Variants in CNTN6 observed in about 807,000 individuals in gnomAD.
CNTN6 encodes the protein contactin-6.
CNTN6 carries 137 observed loss-of-function variants against 122.8 expected under a neutral mutation model. The ratio of observed to expected loss-of-function variants is 1.12; its 90% CI spans 0.97 to 1.29. CNTN6 has a LOEUF of 1.29. Among genes scored for constraint, CNTN6 ranks in the 50% most tolerant of loss-of-function variants. CNTN6 has a pLI of 0.00. For synonymous variants in CNTN6, 570 were observed against 426.0 expected (o/e 1.34, Z -4.16); for missense variants, 1,634 against 1,223.4 (o/e 1.34, Z -5.01).
At position 1,120,682 on chromosome 3, in the gene CNTN6, C is replaced by A. The variant is rs546932237; in HGVS notation, c.-82-27245C>A. Among the ~76,000 whole-genome samples, 3 of 151,818 alleles carry A rather than the reference C, an allele frequency of 2.0e-5. No homozygotes were observed. In the South Asian group the frequency reaches 6.2e-4, roughly 32 times the overall value. ...TTTTATGGTTGGTCATTTTTGAGTC[C>A]TAAGAAATCTTTGCTTATCCCAAGG... On this transcript the variant is annotated intron_variant, in intron 1 of 22. Coordinates refer to ENST00000446702, the MANE Select transcript of CNTN6 (RefSeq NM_001289080.2).
At chr3:1,242,663 G>T (rs922973654) in intron 4 of CNTN6, among the ~76,000 whole-genome samples, 1 of 152,168 alleles carries the variant, frequency 6.6e-6, no homozygotes, top group Non-Finnish European at 1.5e-5. Flanking sequence ...AAGGTGGGGG[G>T]ATATGAGAGG....
intron 4 of CNTN6, among the ~76,000 whole-genome samples, chr3:1,245,239 C>CATATATATATATATATATA (rs1559596120): frequency 2.1e-4 from 2 of 9,344 alleles, no homozygotes; most frequent in African/African-American, 7.3e-4. Context: ...TATATATACA[C>CATATATATATATATATATA]ACACACATAT....
rs200608572 is a variant in CNTN6, at chr3:1,373,319, A to AT, written c.1787-281dup. 1.1e-4 allele frequency among the ~76,000 whole-genome samples: 16 copies of AT among 152,202 alleles called. No individual in the cohort carries two copies. In the East Asian group the frequency reaches 2.9e-3, roughly 28 times the overall value. On this transcript the variant is annotated intron_variant, in intron 14 of 22. Coordinates refer to ENST00000446702, the MANE Select transcript of CNTN6 (RefSeq NM_001289080.2). Reference sequence around the variant, plus strand: ...TATTAGCTGCAATTACTTGAGTTAGATTTTAAGAGGAATTAAAGATGATGG... The same window carrying AT: ...TATTAGCTGCAATTACTTGAGTTAGATTTTTAAGAGGAATTAAAGATGATGG...
Position 1,241,236 on chromosome 3 carries a change from C to G in CNTN6, c.358+13243C>G, listed in dbSNP as rs559470630. On this transcript the variant is annotated intron_variant, in intron 4 of 22. Transcript: ENST00000446702. ...GCCTGGCCTGGGCTCAGAGGCCTGA[C>G]ATTCCTGCCTTCTTATATTAATAAG... Among the ~76,000 whole-genome samples the G allele has an allele frequency of 2.0e-5, 3 of 152,198 alleles. No homozygotes were observed. In the East Asian group the frequency reaches 5.8e-4, roughly 30 times the overall value.
intron 1 of CNTN6, among the ~76,000 whole-genome samples, chr3:1,113,072 A>G (rs576510982): frequency 1.3e-5 from 2 of 152,244 alleles, no homozygotes; most frequent in African/African-American, 4.8e-5. Context: ...AGTCAGAGTG[A>G]CTTTCCTCAG....
chr3:1,366,767 A>G (rs988068214), intron 12 of CNTN6, among the ~76,000 whole-genome samples: 1 of 152,180 alleles, frequency 6.6e-6, no homozygotes, highest in African/African-American at 2.4e-5. Context: ...GGATGAGGAC[A>G]GGTCTGCCTG....
chr3:1,289,879 T>C (rs960116957), intron 5 of CNTN6, among the ~76,000 whole-genome samples: 1 of 152,178 alleles, frequency 6.6e-6, no homozygotes, highest in African/African-American at 2.4e-5. Context: ...TTTCACCGTG[T>C]TAGCCAGGAT....
At chr3:1,288,489 C>G (rs957515443) in intron 5 of CNTN6, among the ~76,000 whole-genome samples, 1 of 152,172 alleles carries the variant, frequency 6.6e-6, no homozygotes, top group Non-Finnish European at 1.5e-5. Context: ...ACATTTAACC[C>G]TGGAGCACTA....
intron 2 of CNTN6, among the ~76,000 whole-genome samples, chr3:1,210,428 A>AAAGGAAAGAC (rs1329368234): frequency 6.6e-6 from 1 of 151,974 alleles, no homozygotes; most frequent in African/African-American, 2.4e-5. Context: ...AAGGAAAGAA[A>AAAGGAAAGAC]AAAAAAAGGC....
chr3:1,302,083 T>C (rs756727389), intron 7 of CNTN6, among the ~76,000 whole-genome samples: 1 of 152,194 alleles, frequency 6.6e-6, no homozygotes, highest in Non-Finnish European at 1.5e-5. Flanking sequence ...GGTATATAAT[T>C]AACAATCTGA....
chr3:1,398,299 A>G (rs1695236275), intron 20 of CNTN6, among the ~76,000 whole-genome samples: 1 of 152,156 alleles, frequency 6.6e-6, no homozygotes, highest in Non-Finnish European at 1.5e-5. Context: ...CAGAAGTTTT[A>G]TTTGTCAATA....
intron 7 of CNTN6, among the ~76,000 whole-genome samples, chr3:1,319,085 T>C (rs1700498543): frequency 1.3e-5 from 2 of 151,754 alleles, no homozygotes; most frequent in African/African-American, 4.8e-5. Context: ...CAAGGTGGAA[T>C]TCTCTTTACA....
chr3:1,316,395 C>T (rs1330703098), intron 7 of CNTN6, among the ~76,000 whole-genome samples: 1 of 151,640 alleles, frequency 6.6e-6, no homozygotes. Flanking sequence ...ATGGCTGGAG[C>T]AGAAGGAAGA....
chr3:1,324,603 TC>T (rs1421309436), intron 8 of CNTN6, among the ~76,000 whole-genome samples: 1 of 149,714 alleles, frequency 6.7e-6, no homozygotes, highest in Non-Finnish European at 1.5e-5. Context: ...CCCCTTCATT[TC>T]CCTGGGTAGA....
intron 11 of CNTN6, among the ~76,000 whole-genome samples, chr3:1,348,157 C>CAAAAAAA (rs532282828): frequency 9.3e-5 from 6 of 64,274 alleles, no homozygotes; most frequent in African/African-American, 1.4e-4. Flanking sequence ...ATGCTATAGA[C>CAAAAAAA]AAAAAAAAAA....
chr3:1,367,184 T>C (rs181619873), intron 12 of CNTN6, among the ~76,000 whole-genome samples: 129 of 152,262 alleles, frequency 8.5e-4, no homozygotes, highest in Non-Finnish European at 1.5e-3. Context: ...AAAATCCTCA[T>C]TGGGTAATTT....
At chr3:1,340,876 A>G (rs1454572861) in intron 11 of CNTN6, among the ~76,000 whole-genome samples, 2 of 152,160 alleles carry the variant, frequency 1.3e-5, no homozygotes, top group African/African-American at 4.8e-5. Flanking sequence ...TTAGCGTTCC[A>G]GCCCTGTTCT....
chr3:1,138,819 A>G (rs2092545139), intron 1 of CNTN6, among the ~76,000 whole-genome samples: 2 of 151,940 alleles, frequency 1.3e-5, no homozygotes, highest in Admixed American at 1.3e-4. Context: ...TTTTACTTAC[A>G]TATATGTATT....
At chr3:1,370,966 TATATTC>T (rs1331862749) in intron 12 of CNTN6, among the ~76,000 whole-genome samples, 2 of 152,206 alleles carry the variant, frequency 1.3e-5, no homozygotes, top group South Asian at 2.1e-4. Context: ...TTTTCTCTAT[TATATTC>T]ATATTCAGAA....
Sources: gnomAD v4.1 joint callset for allele counts (sites outside exome capture counted in the v4.1 genomes callset) on GRCh38, gnomAD v4.1.1 for gene constraint, MANE v1.5 for transcripts, NCBI Gene and HGNC (gene_info 2026-07-23, HGNC 2026-07-21) for gene names.